Variants in STAU2 observed in about 807,000 individuals in gnomAD.
STAU2 encodes the protein double-stranded RNA-binding protein Staufen homolog 2.
STAU2 carries 20 observed loss-of-function variants against 65.9 expected under a neutral mutation model. The observed-to-expected ratio is 0.30, with a 90% CI of 0.21 to 0.44. STAU2 has a LOEUF of 0.44. STAU2 is among the 20% of genes least tolerant of loss of function. The pLI is 1.00. For synonymous variants in STAU2, 232 were observed against 233.9 expected, an observed-to-expected ratio of 0.99 and a Z score of 0.07; for missense variants, 558 against 683.9, an observed-to-expected ratio of 0.82 and a Z score of 2.05.
intron 1 of STAU2, among the ~76,000 whole-genome samples, 197 bp downstream of exon 1, chr8:73,746,586 C>T (rs1807305320): frequency 6.6e-6 from 1 of 152,090 alleles, no homozygotes; most frequent in African/African-American, 2.4e-5. Flanking sequence ...CCCTCCCCCG[C>T]CGGTCTCCCC....
intron 6 of STAU2, among the ~76,000 whole-genome samples, chr8:73,668,609 T>C (rs1817414430): frequency 6.6e-6 from 1 of 152,256 alleles, no homozygotes; most frequent in East Asian, 1.9e-4. Context: ...CTTTACCTTG[T>C]ACTTTGTCAA....
intron 6 of STAU2, among the ~76,000 whole-genome samples, chr8:73,632,020 G>A (rs1814130822): frequency 7.0e-6 from 1 of 142,102 alleles, no homozygotes; most frequent in Admixed American, 6.9e-5. Context: ...GGGAGGGAGG[G>A]AGGAAGACAG....
chr8:73,520,044 G>T (rs1435175979), intron 13 of STAU2, among the ~76,000 whole-genome samples: 1 of 152,228 alleles, frequency 6.6e-6, no homozygotes, highest in East Asian at 1.9e-4. Context: ...AGCAATGAGA[G>T]AATGGGCCAG....
At chr8:73,519,206 C>T (rs1207048477) in intron 13 of STAU2, among the ~76,000 whole-genome samples, 1 of 152,150 alleles carries the variant, frequency 6.6e-6, no homozygotes, top group African/African-American at 2.4e-5. Flanking sequence ...CTATCTCAAA[C>T]AAAGAATGCC....
At chr8:73,570,784 G>C (rs1809021072) in intron 12 of STAU2, among the ~76,000 whole-genome samples, 1 of 152,164 alleles carries the variant, frequency 6.6e-6, no homozygotes, top group Admixed American at 6.5e-5. Context: ...GAAGAGAGTG[G>C]GGGCCAATAT....
At chr8:73,738,496 C>G in intron 2 of STAU2, 147 bp from the exon 3 acceptor site, 1 of 639,288 alleles carries the variant, frequency 1.6e-6, no homozygotes, top group Non-Finnish European at 2.6e-6. Context: ...TAAAAATGTT[C>G]TGTACTTGCA....
intron 13 of STAU2, among the ~76,000 whole-genome samples, chr8:73,479,900 G>T (rs1162425701): frequency 6.6e-6 from 1 of 151,920 alleles, no homozygotes; most frequent in Admixed American, 6.6e-5. Flanking sequence ...ATCCCACACT[G>T]TCAGATGCAT....
chr8:73,702,426 T>C (rs902020502), intron 4 of STAU2, among the ~76,000 whole-genome samples: 13 of 152,140 alleles, frequency 8.5e-5, no homozygotes, highest in Non-Finnish European at 1.3e-4. Flanking sequence ...ATGGAAATGT[T>C]TGTTCTTTTT....
intron 3 of STAU2, among the ~76,000 whole-genome samples, chr8:73,720,896 T>A (rs754718892): frequency 7.9e-5 from 12 of 151,930 alleles, no homozygotes; most frequent in Non-Finnish European, 1.3e-4. Flanking sequence ...TATTTAGAGA[T>A]TTCCCAAGAA....
At chr8:73,669,899 C>A (rs1171988399) in intron 6 of STAU2, among the ~76,000 whole-genome samples, 1 of 151,960 alleles carries the variant, frequency 6.6e-6, no homozygotes, top group Non-Finnish European at 1.5e-5. Flanking sequence ...GTAATAAATT[C>A]ACTAGTCAGA....
chr8:73,604,277 G>A (rs1811853078), intron 9 of STAU2, among the ~76,000 whole-genome samples: 1 of 152,008 alleles, frequency 6.6e-6, no homozygotes, highest in African/African-American at 2.4e-5. Flanking sequence ...CGCCCAGGCT[G>A]GAGTGTGGTA....
At chr8:73,470,246 G>C (rs1283551462) in intron 13 of STAU2, among the ~76,000 whole-genome samples, 1 of 152,210 alleles carries the variant, frequency 6.6e-6, no homozygotes, top group African/African-American at 2.4e-5. Flanking sequence ...GAAGGCTTCA[G>C]TCGTGTGGCT....
intron 11 of STAU2, among the ~76,000 whole-genome samples, chr8:73,587,043 C>T (rs911601916): frequency 6.6e-6 from 1 of 152,118 alleles, no homozygotes; most frequent in African/African-American, 2.4e-5. Context: ...ATAAAATACA[C>T]ATATCTCAGA....
intron 13 of STAU2, among the ~76,000 whole-genome samples, chr8:73,443,433 C>T (rs1471495716): frequency 6.6e-6 from 1 of 152,158 alleles, no homozygotes; most frequent in Non-Finnish European, 1.5e-5. Flanking sequence ...TGAATACATG[C>T]ATAGAAAGCA....
chr8:73,506,683 C>T (rs1822086369), intron 13 of STAU2, among the ~76,000 whole-genome samples: 1 of 152,064 alleles, frequency 6.6e-6, no homozygotes, highest in African/African-American at 2.4e-5. Flanking sequence ...ATAAGACAAC[C>T]ATAAAATTTG....
chr8:73,706,922 C>T (rs1238693516), intron 4 of STAU2, among the ~76,000 whole-genome samples: 1 of 152,172 alleles, frequency 6.6e-6, no homozygotes, highest in Non-Finnish European at 1.5e-5. Context: ...CAATGGATTC[C>T]TAAAGAATCT....
At chr8:73,463,021 C>A (rs140847826) in intron 13 of STAU2, among the ~76,000 whole-genome samples, 35 of 152,348 alleles carry the variant, frequency 2.3e-4, no homozygotes, top group Non-Finnish European at 4.6e-4. Context: ...TTCCAGGATG[C>A]CTGCCTGCCG....
At chr8:73,542,056 T>TA (rs1198653921) in intron 13 of STAU2, among the ~76,000 whole-genome samples, 4 of 147,640 alleles carry the variant, frequency 2.7e-5, no homozygotes, top group Admixed American at 6.8e-5. Flanking sequence ...AAATGGTTAA[T>TA]AAAAAACACC....
chr8:73,499,166 T>G (rs73686984), intron 13 of STAU2, among the ~76,000 whole-genome samples: 1 of 151,758 alleles, frequency 6.6e-6, no homozygotes, highest in African/African-American at 2.4e-5. Context: ...CACTATAGAT[T>G]TTGCACTTGC....
Sources: allele counts gnomAD v4.1 joint callset (sites outside exome capture counted in the v4.1 genomes callset), GRCh38; gene constraint gnomAD v4.1.1; transcripts MANE v1.5; gene names NCBI Gene and HGNC (gene_info 2026-07-23, HGNC 2026-07-21).